The following METAP1 variants were observed in gnomAD, a reference collection of about 807,000 sequenced individuals.
METAP1 encodes methionyl aminopeptidase 1.
Under a neutral mutation model 53.8 loss-of-function variants are expected in METAP1, and 28 were observed. The observed-to-expected ratio is 0.52, with a 90% confidence interval of 0.39 to 0.71. METAP1 has a LOEUF of 0.71. Among genes scored for constraint, METAP1 ranks in the 30% least tolerant of loss-of-function variants. The pLI is 0.00. For missense variants in METAP1, 389 were observed against 479.8 expected (o/e 0.81, Z 1.77); for synonymous variants, 181 against 165.7 (o/e 1.09, Z -0.71).
At chr4:99,013,571 A>G (rs532070925) in intron 1 of METAP1, among the ~76,000 whole-genome samples, 10 of 152,344 alleles carry the variant, frequency 6.6e-5, no homozygotes, top group South Asian at 4.1e-4. Flanking sequence ...AGACGGGGAC[A>G]TTTATAACCT....
intron 2 of METAP1, among the ~76,000 whole-genome samples, chr4:99,033,170 CCTCT>C (rs1225982825): frequency 6.6e-6 from 1 of 152,082 alleles, no homozygotes; most frequent in Non-Finnish European, 1.5e-5. Flanking sequence ...TCTTTAAGAT[CCTCT>C]CTAAGTTTAA....
chr4:99,061,247 C>T lies in METAP1; in HGVS notation c.1091C>T (p.Thr364Ile), dbSNP rs897027898. 7 of 1,614,022 alleles carry T rather than the reference C, an allele frequency of 4.3e-6. No individual in the cohort carries two copies. Among genetic ancestry groups the T allele is most frequent in the Non-Finnish European group, 5.1e-6 (6 of 1,179,880 alleles). ...CAGTTTGAGCACACCCTCCTGGTCA[C>T]AGACACTGGCTGTGAAATCCTAACC... ...SAQFEHTLLV[T>I]DTGCEILTRR... is the part of the protein sequence containing the mutation. The change falls in exon 11 of 11, where the codon ACA (threonine) becomes ATA (isoleucine). Residue 364 changes from threonine (T) to isoleucine (I), a missense_variant. Transcript: ENST00000296411.
At chr4:99,015,814 T>C (rs928287516) in intron 1 of METAP1, among the ~76,000 whole-genome samples, 1 of 152,174 alleles carries the variant, frequency 6.6e-6, no homozygotes, top group Admixed American at 6.5e-5. Context: ...AATCTAGTTA[T>C]GTTAATAATA....
At chr4:99,032,447 G>T (rs1410262779) in intron 2 of METAP1, among the ~76,000 whole-genome samples, 3 of 152,074 alleles carry the variant, frequency 2.0e-5, no homozygotes, top group Non-Finnish European at 2.9e-5. Flanking sequence ...GTCCAAGCTG[G>T]TCTTGAACTT....
At chr4:99,053,532 C>T (rs976840641) in intron 9 of METAP1, among the ~76,000 whole-genome samples, 3 of 152,320 alleles carry the variant, frequency 2.0e-5, no homozygotes, top group African/African-American at 4.8e-5. Context: ...GGATTACAGG[C>T]GTGTGCCACC....
At chr4:99,021,598 T>C (rs1427898561) in intron 1 of METAP1, among the ~76,000 whole-genome samples, 1 of 150,276 alleles carries the variant, frequency 6.7e-6, no homozygotes, top group Non-Finnish European at 1.5e-5. Context: ...GCAGAAAGGG[T>C]ACACTCACCA....
At chr4:99,019,918 G>A (rs1723983940) in intron 1 of METAP1, among the ~76,000 whole-genome samples, 2 of 152,072 alleles carry the variant, frequency 1.3e-5, no homozygotes, top group Non-Finnish European at 2.9e-5. Flanking sequence ...TCTTTCTCTT[G>A]TTGTTCATCA....
chr4:99,033,100 C>T (rs1450198948), intron 2 of METAP1, among the ~76,000 whole-genome samples: 1 of 152,090 alleles, frequency 6.6e-6, no homozygotes, highest in African/African-American at 2.4e-5. Context: ...TGTCACAGCT[C>T]TTGTGAACCA....
chr4:99,008,447 T>G (rs1206213175), intron 1 of METAP1, among the ~76,000 whole-genome samples: 3 of 152,224 alleles, frequency 2.0e-5, no homozygotes, highest in African/African-American at 7.2e-5. Context: ...GTACATGATC[T>G]TTGCAGAAAT....
intron 9 of METAP1, among the ~76,000 whole-genome samples, chr4:99,050,425 A>G (rs1352233590): frequency 6.6e-6 from 1 of 152,222 alleles, no homozygotes; most frequent in Non-Finnish European, 1.5e-5. Flanking sequence ...CCTGATGGAC[A>G]GTTGTTGCTG....
chr4:98,995,792 C>T lies in METAP1; in HGVS notation c.39C>T (p.Gly13=), dbSNP rs560032490. ...AGACGCGGGTGTGCGAGACAGACGG[C>T]TGCAGCAGTGAGGCCAAGCTCCAGT... ...AVETRVCETD[G]CSSEAKLQCP... The change falls in exon 1 of 11, where the codon GGC becomes GGT. Residue 13 remains glycine (G), a synonymous_variant. Coordinates refer to ENST00000296411, the MANE Select transcript of METAP1 (RefSeq NM_015143.3). 6.5e-7 allele frequency: 1 copy of T among 1,546,788 alleles called. No homozygotes were observed. The highest frequency in any genetic ancestry group is 1.4e-5 in the African/African-American group (1 of 72,512).
At chr4:99,019,579 C>A (rs1200004693) in intron 1 of METAP1, among the ~76,000 whole-genome samples, 1 of 152,188 alleles carries the variant, frequency 6.6e-6, no homozygotes, top group Non-Finnish European at 1.5e-5. Flanking sequence ...AACCTCGACC[C>A]CTGCCTCTCT....
chr4:99,021,081 C>T (rs1265873494), intron 1 of METAP1, among the ~76,000 whole-genome samples: 1 of 152,196 alleles, frequency 6.6e-6, no homozygotes, highest in Admixed American at 6.5e-5. Flanking sequence ...CTCCTTTTCC[C>T]TGGGGATTAG....
intron 9 of METAP1, among the ~76,000 whole-genome samples, chr4:99,054,062 A>T (rs1010284171): frequency 1.3e-5 from 2 of 150,734 alleles, no homozygotes; most frequent in African/African-American, 5.0e-5. Flanking sequence ...GCTTCAACTT[A>T]AAGTCACAAG....
rs1727111497 is a variant in METAP1 at position 99,056,270 on chromosome 4, AC to A, written c.932-1480del. ...CATTGCAGTCATTCACTTAGCTGAT[AC>A]CCTTATTAGGTTTTGTTTAACTTGG... On this transcript the variant is annotated intron_variant, in intron 9 of 10. Transcript: ENST00000296411. Among the ~76,000 whole-genome samples, 9 of 152,266 alleles carry A rather than the reference AC, an allele frequency of 5.9e-5. No homozygotes were observed. In the South Asian group the frequency reaches 1.9e-3, roughly 32 times the overall value.
At chr4:99,059,768 G>A (rs889565652) in intron 10 of METAP1, among the ~76,000 whole-genome samples, 7 of 151,614 alleles carry the variant, frequency 4.6e-5, no homozygotes, top group African/African-American at 7.3e-5. Flanking sequence ...TTTCTTTCAT[G>A]GCCTCCCAGA....
intron 1 of METAP1, chr4:99,022,483 G>A: frequency 1.6e-6 from 1 of 622,714 alleles, no homozygotes; most frequent in Non-Finnish European, 2.9e-6. Flanking sequence ...TTCCTGCTCA[G>A]TAGGACGTTG....
rs1725980155 is a variant in METAP1, at chr4:99,042,867, G to A, written c.517-382G>A. On this transcript the variant is annotated intron_variant, in intron 6 of 10. Transcript: ENST00000296411. ...GGATTTTGGAATATTTGTATTATAC[G>A]TAACTGGTTAAGTGTCTGTAATTTC... is the stretch of plus-strand genomic sequence containing the variant. Among the ~76,000 whole-genome samples the A allele has an allele frequency of 3.9e-5, 6 of 152,018 alleles. No individual in the cohort carries two copies. The South Asian group carries it at 8.3e-4, about 21-fold the overall frequency.
intron 10 of METAP1, among the ~76,000 whole-genome samples, chr4:99,060,189 C>T (rs528256393): frequency 1.3e-5 from 2 of 152,092 alleles, no homozygotes; most frequent in East Asian, 3.9e-4. Context: ...CCCATTACCA[C>T]CATCCATCTC....
Sources: gnomAD v4.1 joint callset for allele counts (sites outside exome capture counted in the v4.1 genomes callset) on GRCh38, gnomAD v4.1.1 for gene constraint, MANE v1.5 for transcripts, NCBI Gene and HGNC (gene_info 2026-07-23, HGNC 2026-07-21) for gene names.